The following FHIT variants were observed in gnomAD, a reference collection of about 807,000 sequenced individuals.
FHIT encodes the protein fragile histidine triad diadenosine triphosphatase, also known as bis(5'-adenosyl)-triphosphatase.
FHIT carries 19 observed loss-of-function variants against 17.9 expected under a neutral mutation model. The ratio of observed to expected loss-of-function variants is 1.06; its 90% confidence interval spans 0.74 to 1.56. FHIT has a LOEUF of 1.56. Among genes scored for constraint, FHIT ranks in the 40% most tolerant of loss-of-function variants. The pLI is 0.00. For synonymous variants in FHIT, 81 were observed against 69.7 expected (o/e 1.16, Z -0.81); for missense variants, 248 against 189.2 (o/e 1.31, Z -1.82).
chr3:60,922,574 C>CT (rs1262963568), intron 3 of FHIT, among the ~76,000 whole-genome samples: 1 of 152,138 alleles, frequency 6.6e-6, no homozygotes, highest in Non-Finnish European at 1.5e-5. Context: ...TTAGTGATTT[C>CT]TTTATTTTTT....
rs1237339744 is a variant in FHIT, at chr3:60,566,932, A to C, written c.-17-29953T>G. Among the ~76,000 whole-genome samples, 67 of 146,818 alleles carry C rather than the reference A, an allele frequency of 4.6e-4. No individual in the cohort carries two copies. In the Middle Eastern group the frequency reaches 0.017, roughly 38 times the overall value. On this transcript the variant is annotated intron_variant, in intron 4 of 9. Transcript: ENST00000492590. ...GTGAAGGACCTCTTCAAGGAGAACT[A>C]CAAACCACTGCTCAAAGAAATAAAA...
intron 4 of FHIT, among the ~76,000 whole-genome samples, chr3:60,816,526 T>C (rs1387184536): frequency 6.6e-6 from 1 of 152,084 alleles, no homozygotes; most frequent in Non-Finnish European, 1.5e-5. Context: ...CCTATTTATG[T>C]GGTGAATCAC....
intron 5 of FHIT, among the ~76,000 whole-genome samples, chr3:60,086,263 C>T (rs1484441244): frequency 6.6e-6 from 1 of 152,104 alleles, no homozygotes; most frequent in Non-Finnish European, 1.5e-5. Flanking sequence ...GAAGGATCTG[C>T]CCTCCTGACC....
chr3:59,888,655 A>C (rs960847820), intron 8 of FHIT, among the ~76,000 whole-genome samples: 1 of 152,168 alleles, frequency 6.6e-6, no homozygotes, highest in African/African-American at 2.4e-5. Flanking sequence ...GATCTAGGTA[A>C]ATATCACAGG....
In FHIT at chr3:59,874,549, G is replaced by A. The variant is rs189051521; in HGVS notation, c.348+47797C>T. On this transcript the variant is annotated intron_variant, in intron 8 of 9. Transcript: ENST00000492590. ...TGGTCCAGGGATCTAGAAGATGCCC[G>A]CTGCTCCCTGCTTATTCCCTCACAG... Among the ~76,000 whole-genome samples the A allele has an allele frequency of 3.3e-5, 5 of 152,238 alleles. 1 individual carries two copies. In the South Asian group the frequency reaches 6.2e-4, roughly 19 times the overall value.
At chr3:60,226,084 C>T (rs1409645910) in intron 5 of FHIT, among the ~76,000 whole-genome samples, 7 of 152,148 alleles carry the variant, frequency 4.6e-5, no homozygotes, top group Non-Finnish European at 1.5e-5. Flanking sequence ...GAGATGTTAA[C>T]AAATGGTCTC....
At chr3:61,035,764 G>C (rs931360728) in intron 3 of FHIT, among the ~76,000 whole-genome samples, 1 of 151,920 alleles carries the variant, frequency 6.6e-6, no homozygotes, top group Non-Finnish European at 1.5e-5. Context: ...TTGTCAGATA[G>C]TGATGATGTG....
At chr3:60,455,266 CA>C (rs2032016702) in intron 5 of FHIT, among the ~76,000 whole-genome samples, 1 of 152,052 alleles carries the variant, frequency 6.6e-6, no homozygotes, top group East Asian at 1.9e-4. Context: ...TCTTCTTGAC[CA>C]AAGACTGAAC....
chr3:60,718,884 T>G (rs891599248), intron 4 of FHIT, among the ~76,000 whole-genome samples: 13 of 152,224 alleles, frequency 8.5e-5, no homozygotes, highest in African/African-American at 3.1e-4. Flanking sequence ...GCATGCAGCA[T>G]TTTTCAAACT....
chr3:60,399,883 T>C (rs1701592820), intron 5 of FHIT, among the ~76,000 whole-genome samples: 1 of 152,170 alleles, frequency 6.6e-6, no homozygotes, highest in Non-Finnish European at 1.5e-5. Flanking sequence ...TAGTGCCACC[T>C]ATTACCAAAC....
chr3:60,030,153 C>A (rs1700941191), intron 5 of FHIT, among the ~76,000 whole-genome samples: 1 of 152,044 alleles, frequency 6.6e-6, no homozygotes, highest in Admixed American at 6.6e-5. Flanking sequence ...AAGGTTTCCC[C>A]ACCAAATGTT....
intron 5 of FHIT, among the ~76,000 whole-genome samples, chr3:60,185,720 A>G (rs1702131777): frequency 1.3e-5 from 2 of 152,130 alleles, no homozygotes; most frequent in Non-Finnish European, 2.9e-5. Flanking sequence ...CGCCTGTGCT[A>G]TTTTACATTC....
chr3:60,545,335 G>A (rs998126136), intron 4 of FHIT, among the ~76,000 whole-genome samples: 1 of 152,052 alleles, frequency 6.6e-6, no homozygotes, highest in African/African-American at 2.4e-5. Flanking sequence ...TGGCTTTTAT[G>A]AATTATTTTT....
rs551657968 is a variant in FHIT at position 61,212,220 on chromosome 3, T to C, written c.-212-11555A>G. On this transcript the variant is annotated intron_variant, in intron 1 of 9. Transcript: ENST00000492590. ...AACTACTCCGAGCTAAAGGAGGAAA[T>C]TCAAACCAAAGACAAAGAAGTTAAA... 3.7e-4 allele frequency among the ~76,000 whole-genome samples: 56 copies of C among 152,218 alleles called. 2 individuals are homozygous for C. The highest frequency in any genetic ancestry group is 1.3e-3 in the African/African-American group (54 of 41,542).
In FHIT at chr3:60,865,658, T is replaced by G. The variant is rs565794905; in HGVS notation, c.-110-43647A>C. 5.9e-4 allele frequency among the ~76,000 whole-genome samples: 90 copies of G among 152,246 alleles called. 1 individual carries two copies. The highest frequency in any genetic ancestry group is 6.2e-4 in the Non-Finnish European group (42 of 68,016). ...ATTAGGCCCCAGCTCTGTCTTGGGC[T>G]CTGTGCTAGGCATTTCATATCTGTT... On this transcript the variant is annotated intron_variant, in intron 3 of 9. Transcript: ENST00000492590.
chr3:60,393,138 G>A (rs1335039610), intron 5 of FHIT, among the ~76,000 whole-genome samples: 1 of 151,850 alleles, frequency 6.6e-6, no homozygotes, highest in Non-Finnish European at 1.5e-5. Context: ...GTCTGTAAAG[G>A]GCACTCATTT....
intron 3 of FHIT, among the ~76,000 whole-genome samples, chr3:60,849,237 G>A (rs1703044868): frequency 6.6e-6 from 1 of 151,750 alleles, no homozygotes; most frequent in African/African-American, 2.4e-5. Flanking sequence ...CAGAGAGAAT[G>A]AGAATGAAAG....
rs149458230 is a variant in FHIT at position 60,581,971 on chromosome 3, G to T, written c.-17-44992C>A. On this transcript the variant is annotated intron_variant, in intron 4 of 9. Coordinates refer to ENST00000492590, the MANE Select transcript of FHIT (RefSeq NM_002012.4). The stretch of plus-strand genomic sequence containing the variant: ...TGCTGCACCGATGCACACTTAAGAA[G>T]AGCAAACACCATTGCAATGTGAGGG... Among the ~76,000 whole-genome samples the T allele has an allele frequency of 1.0e-3, 153 of 152,134 alleles. 3 individuals are homozygous for T. The highest frequency in any genetic ancestry group is 3.2e-3 in the African/African-American group (133 of 41,526).
In FHIT at chr3:60,137,866, A is replaced by G. The variant is rs1699879589; in HGVS notation, c.104-123714T>C. On this transcript the variant is annotated intron_variant, in intron 5 of 9. Coordinates refer to ENST00000492590, the MANE Select transcript of FHIT (RefSeq NM_002012.4). Reference sequence around the variant, plus strand: ...TATTTAAGCAACATCTACACATAAGAGACCCTAAATGAATATCCGTTGAAA... The same window carrying G: ...TATTTAAGCAACATCTACACATAAGGGACCCTAAATGAATATCCGTTGAAA... Among the ~76,000 whole-genome samples the G allele has an allele frequency of 2.0e-5, 3 of 152,220 alleles. No individual in the cohort carries two copies. The South Asian group carries it at 6.2e-4, about 31-fold the overall frequency.
Sources: gnomAD v4.1 joint callset for allele counts (sites outside exome capture counted in the v4.1 genomes callset) on GRCh38, gnomAD v4.1.1 for gene constraint, MANE v1.5 for transcripts, NCBI Gene and HGNC (gene_info 2026-07-23, HGNC 2026-07-21) for gene names.